Variants in LIN52 observed in about 807,000 individuals in gnomAD.
The protein encoded by LIN52 is protein lin-52 homolog.
In LIN52, 4 loss-of-function variants were observed where a neutral mutation model predicts 18.5. The ratio of observed to expected loss-of-function variants is 0.22; its 90% confidence interval spans 0.11 to 0.49. LIN52 has a LOEUF of 0.49. Among genes scored for constraint, LIN52 ranks in the 20% least tolerant of loss-of-function variants. LIN52 has a pLI of 0.97. For missense variants in LIN52, 102 were observed against 139.5 expected (o/e 0.73, Z 1.35); for synonymous variants, 34 against 45.5 (o/e 0.75, Z 1.02).
intron 5 of LIN52, among the ~76,000 whole-genome samples, chr14:74,104,240 A>G (rs2060882705): frequency 6.6e-6 from 1 of 152,206 alleles, no homozygotes; most frequent in Admixed American, 6.5e-5. Flanking sequence ...TTTCATTATT[A>G]TAACTACAAT....
intron 5 of LIN52, among the ~76,000 whole-genome samples, chr14:74,169,041 G>A (rs1373499247): frequency 1.3e-5 from 2 of 152,224 alleles, no homozygotes; most frequent in African/African-American, 4.8e-5. Context: ...GCAACAGAGT[G>A]TGACTCTTGT....
At chr14:74,171,802 G>A (rs1353629156) in intron 5 of LIN52, among the ~76,000 whole-genome samples, 8 of 143,278 alleles carry the variant, frequency 5.6e-5, no homozygotes, top group East Asian at 2.1e-4. Context: ...GCAATGGTGC[G>A]ATCTTGGCTC....
intron 4 of LIN52, among the ~76,000 whole-genome samples, chr14:74,098,727 TA>T (rs2060832594): frequency 6.6e-6 from 1 of 152,004 alleles, no homozygotes; most frequent in African/African-American, 2.4e-5. Context: ...TTTGTAGTTT[TA>T]GTAGAGATGG....
At chr14:74,128,907 A>C (rs991070556) in intron 5 of LIN52, among the ~76,000 whole-genome samples, 1 of 152,200 alleles carries the variant, frequency 6.6e-6, no homozygotes, top group Non-Finnish European at 1.5e-5. Context: ...GCACCACTGC[A>C]CTCCAGCCTG....
At chr14:74,107,801 T>C (rs187691593) in intron 5 of LIN52, among the ~76,000 whole-genome samples, 45 of 152,328 alleles carry the variant, frequency 3.0e-4, no homozygotes, top group African/African-American at 1.0e-3. Flanking sequence ...TTGTATCATT[T>C]GAAACTACGG....
intron 5 of LIN52, among the ~76,000 whole-genome samples, chr14:74,177,543 G>A (rs966942603): frequency 1.3e-5 from 2 of 152,102 alleles, no homozygotes; most frequent in Non-Finnish European, 2.9e-5. Flanking sequence ...GTCTTTTTGA[G>A]TTATTTAGAA....
At chr14:74,119,938 C>T (rs201299212) in intron 5 of LIN52, among the ~76,000 whole-genome samples, 2 of 151,506 alleles carry the variant, frequency 1.3e-5, no homozygotes, top group Non-Finnish European at 2.9e-5. Flanking sequence ...TGGGTTCAAG[C>T]GATTCTCCTG....
chr14:74,085,229 G>A (rs2060717538), intron 1 of LIN52: 1 of 386,802 alleles, frequency 2.6e-6, no homozygotes, highest in Non-Finnish European at 4.6e-6. Context: ...ACTAGGGAGG[G>A]ACTCATTCTG....
chr14:74,130,313 T>C (rs1306795158), intron 5 of LIN52, among the ~76,000 whole-genome samples: 2 of 134,092 alleles, frequency 1.5e-5, no homozygotes, highest in Non-Finnish European at 3.1e-5. Flanking sequence ...GTCTCGCTCT[T>C]TTGCCAAGCT....
At chr14:74,139,506 A>G (rs2061116927) in intron 5 of LIN52, among the ~76,000 whole-genome samples, 1 of 152,220 alleles carries the variant, frequency 6.6e-6, no homozygotes, top group Non-Finnish European at 1.5e-5. Context: ...CTGCGTGCCC[A>G]ACATCTCCTG....
At chr14:74,166,278 G>T (rs187112699) in intron 5 of LIN52, among the ~76,000 whole-genome samples, 1 of 148,478 alleles carries the variant, frequency 6.7e-6, no homozygotes, top group South Asian at 2.2e-4. Context: ...GTGCAATGGC[G>T]CGATCTCAGC....
intron 5 of LIN52, among the ~76,000 whole-genome samples, chr14:74,180,061 A>C (rs957449194): frequency 6.6e-6 from 1 of 152,162 alleles, no homozygotes; most frequent in Non-Finnish European, 1.5e-5. Flanking sequence ...AACCACTAAC[A>C]TTATAAATTC....
intron 5 of LIN52, among the ~76,000 whole-genome samples, chr14:74,188,389 T>C (rs535098927): frequency 3.2e-4 from 48 of 152,130 alleles, no homozygotes; most frequent in Admixed American, 1.4e-3. Context: ...ATTTGATGTA[T>C]CTTGGGCCTC....
intron 5 of LIN52, among the ~76,000 whole-genome samples, chr14:74,182,476 G>T (rs569025835): frequency 6.6e-6 from 1 of 152,042 alleles, no homozygotes; most frequent in Non-Finnish European, 1.5e-5. Flanking sequence ...GCTAAGTAAT[G>T]TAGATGCTGA....
At chr14:74,101,582 C>T (rs1193355651) in intron 5 of LIN52, among the ~76,000 whole-genome samples, 1 of 151,204 alleles carries the variant, frequency 6.6e-6, no homozygotes, top group Non-Finnish European at 1.5e-5. Context: ...CCTCAGCCTC[C>T]CAAGTAGCTG....
chr14:74,186,816 T>C (rs1311486280), intron 5 of LIN52, among the ~76,000 whole-genome samples: 1 of 152,118 alleles, frequency 6.6e-6, no homozygotes, highest in Non-Finnish European at 1.5e-5. Flanking sequence ...TGGTGGTTCA[T>C]GCCTGTAATC....
intron 5 of LIN52, among the ~76,000 whole-genome samples, chr14:74,179,381 C>T (rs765996588): frequency 9.2e-5 from 14 of 152,078 alleles, no homozygotes; most frequent in South Asian, 2.1e-4. Context: ...TTCTTTGGGC[C>T]GGGCATGGTG....
chr14:74,143,223 C>T (rs1424554072), intron 5 of LIN52, among the ~76,000 whole-genome samples: 1 of 152,114 alleles, frequency 6.6e-6, no homozygotes, highest in East Asian at 1.9e-4. Context: ...TTTGTGTCTT[C>T]TGTGTTCTAT....
chr14:74,085,131 C>A, intron 1 of LIN52, 138 bp downstream of exon 1: 1 of 789,424 alleles, frequency 1.3e-6, no homozygotes, highest in Non-Finnish European at 1.8e-6. Context: ...TTCTTGAGAT[C>A]CATCGCCGTC....
Sources: gnomAD v4.1 joint callset for allele counts (sites outside exome capture counted in the v4.1 genomes callset) on GRCh38, gnomAD v4.1.1 for gene constraint, MANE v1.5 for transcripts, NCBI Gene and HGNC (gene_info 2026-07-23, HGNC 2026-07-21) for gene names.